The following DUSP22 variants were observed in gnomAD, a reference collection of about 807,000 sequenced individuals.
DUSP22 encodes the protein dual specificity protein phosphatase 22.
DUSP22 carries 24 observed loss-of-function variants against 24.5 expected under a neutral mutation model. The observed-to-expected ratio is 0.98, with a 90% CI of 0.71 to 1.38. The LOEUF (loss-of-function observed/expected upper bound fraction) is 1.38. DUSP22 is among the 40% of genes most tolerant of loss of function. The pLI is 0.00. For missense variants in DUSP22, 330 were observed against 269.2 expected, an observed-to-expected ratio of 1.23 and a Z score of -1.58; for synonymous variants, 160 against 106.4, an observed-to-expected ratio of 1.50 and a Z score of -3.10.
At chr6:345,492 G>A (rs1166424723) in intron 4 of DUSP22, among the ~76,000 whole-genome samples, 2 of 152,298 alleles carry the variant, frequency 1.3e-5, no homozygotes, top group African/African-American at 4.8e-5. Context: ...TTACAGGCGT[G>A]AGCCACCGCA....
chr6:348,004 C>G lies in DUSP22; in HGVS notation c.264-99C>G, dbSNP rs1315286953. ...ATATAATCCAAGGCAGGAAGACTTT[C>G]TGAACAAGGTCCTTAGAGTCCCCCG... On this transcript the variant is annotated intron_variant, in intron 5 of 6. Transcript: ENST00000419235. 1.2e-5 allele frequency: 18 copies of G among 1,531,664 alleles called. No individual in the cohort carries two copies. In the East Asian group the frequency reaches 3.4e-4, roughly 29 times the overall value. The allele number at this position is 1,531,664 out of a possible 1,614,324, so 94.9% of individuals were successfully genotyped here.
chr6:301,969 G>C (rs1757598687), intron 1 of DUSP22, among the ~76,000 whole-genome samples: 1 of 152,424 alleles, frequency 6.6e-6, no homozygotes, highest in East Asian at 1.9e-4. Context: ...GAAGATAGTA[G>C]ATGTACAAAG....
chr6:337,630 T>C (rs371688826), intron 4 of DUSP22, among the ~76,000 whole-genome samples: 2 of 152,306 alleles, frequency 1.3e-5, no homozygotes, highest in African/African-American at 4.8e-5. Context: ...TTTTTCTTTT[T>C]AAAATACGTA....
chr6:346,588 C>G (rs1486079877), intron 5 of DUSP22, among the ~76,000 whole-genome samples: 1 of 152,308 alleles, frequency 6.6e-6, no homozygotes, highest in Non-Finnish European at 1.5e-5. Context: ...CGTAATCATG[C>G]TAATAACATG....
chr6:295,787 G>A (rs1365591410), intron 1 of DUSP22, among the ~76,000 whole-genome samples: 22 of 142,534 alleles, frequency 1.5e-4, no homozygotes, highest in African/African-American at 4.7e-4. Context: ...GCGACAGAGC[G>A]AGACCCTGTT....
At chr6:307,860 T>C (rs1757883270) in intron 2 of DUSP22, among the ~76,000 whole-genome samples, 1 of 152,298 alleles carries the variant, frequency 6.6e-6, no homozygotes, top group Non-Finnish European at 1.5e-5. Context: ...ACCCAGTTGT[T>C]TGGACAAGGC....
chr6:349,740 G>A lies in DUSP22; in HGVS notation c.*789G>A. ...TCAATGTGAATGCACCAGGCTGAGGGTTCCCTAGCGCCTTGAGTCAAGGCC... is the reference window on the plus strand; with the variant it reads ...TCAATGTGAATGCACCAGGCTGAGGATTCCCTAGCGCCTTGAGTCAAGGCC... On this transcript the variant is annotated 3_prime_UTR_variant, in exon 7 of 7. Coordinates refer to ENST00000419235, the MANE Select transcript of DUSP22 (RefSeq NM_001286555.3). 1 of 986,096 alleles carries A rather than the reference G, an allele frequency of 1.0e-6. No homozygotes were observed. Among genetic ancestry groups the A allele is most frequent in the Non-Finnish European group, 1.2e-6 (1 of 830,382 alleles). The allele number at this position is 986,096 out of a possible 1,614,324, so 61.1% of individuals were successfully genotyped here.
intron 4 of DUSP22, among the ~76,000 whole-genome samples, chr6:338,633 A>G (rs927737907): frequency 1.3e-5 from 2 of 152,416 alleles, no homozygotes; most frequent in African/African-American, 4.8e-5. Flanking sequence ...TTGAAATAGT[A>G]GCTCTTTAGC....
Position 292,494 on chromosome 6 carries a change from G to C in DUSP22, c.-46G>C, listed in dbSNP as rs1757130884. ...TCCTCCCTGTAACATGCCATAGTGC[G>C]CCTGCGACCACACGGCCGGGGCGCT... On this transcript the variant is annotated 5_prime_UTR_variant, in exon 1 of 7. Coordinates refer to ENST00000419235, the MANE Select transcript of DUSP22 (RefSeq NM_001286555.3). 6.3e-7 allele frequency: 1 copy of C among 1,599,798 alleles called. No individual in the cohort carries two copies. The highest frequency in any genetic ancestry group is 1.1e-5 in the South Asian group (1 of 89,852).
chr6:349,944 AG>A lies in DUSP22; in HGVS notation c.*997del, dbSNP rs1760113392. Reference sequence around the variant, plus strand: ...CAGCCTCTCGCTGTCCTCACTTTGCAGGGGCTCCTCCTCAACATTTGCATGC... The same window carrying A: ...CAGCCTCTCGCTGTCCTCACTTTGCAGGGCTCCTCCTCAACATTTGCATGC... On this transcript the variant is annotated 3_prime_UTR_variant, in exon 7 of 7. Coordinates refer to ENST00000419235, the MANE Select transcript of DUSP22 (RefSeq NM_001286555.3). The A allele has an allele frequency of 7.1e-6, 7 of 985,850 alleles. No homozygotes were observed. The highest frequency in any genetic ancestry group is 8.4e-6 in the Non-Finnish European group (7 of 830,112). 61.1% of individuals were successfully genotyped at this position (985,850 alleles called of 1,614,324 possible). A position where few individuals can be genotyped will look rare whatever the true frequency, so the allele number is the denominator to read the frequency against.
rs561686898 is a variant in DUSP22, at chr6:294,355, G to A, written c.21+1795G>A. On this transcript the variant is annotated intron_variant, in intron 1 of 6. Coordinates refer to ENST00000419235, the MANE Select transcript of DUSP22 (RefSeq NM_001286555.3). ...AGCCAGGTGTTGTGCTAGTGGGTGG[G>A]GAGGGGGCAAAGGGAGTACAGTGGT... Among the ~76,000 whole-genome samples the A allele has an allele frequency of 1.7e-4, 7 of 40,184 alleles. No homozygotes were observed. In the East Asian group the frequency reaches 1.9e-3, roughly 11 times the overall value. The allele number at this position is 40,184 out of a possible 152,430, so 26.4% of individuals were successfully genotyped here. A position where few individuals can be genotyped will look rare whatever the true frequency, so the allele number is the denominator to read the frequency against.
intron 3 of DUSP22, among the ~76,000 whole-genome samples, chr6:317,895 A>G (rs1169562763): frequency 1.3e-5 from 2 of 152,296 alleles, no homozygotes; most frequent in African/African-American, 4.8e-5. Context: ...AAAGTGAGAA[A>G]TCATGTCTCA....
At chr6:304,596 C>G in intron 1 of DUSP22, 32 bp from the exon 2 acceptor site, 3 of 1,614,200 alleles carry the variant, frequency 1.9e-6, no homozygotes, top group Non-Finnish European at 2.5e-6. Flanking sequence ...TAGAGTCTGC[C>G]ATGCTCATGT....
chr6:322,830 T>TGGCGG (rs1554100347), intron 3 of DUSP22, among the ~76,000 whole-genome samples: 2 of 18,802 alleles, frequency 1.1e-4, no homozygotes, highest in African/African-American at 3.7e-4. Context: ...GGCTGCTTGG[T>TGGCGG]GGGGCGGGGG....
chr6:348,468 C>T lies in DUSP22; in HGVS notation c.435+194C>T, dbSNP rs947249674. 13 of 1,001,698 alleles carry T rather than the reference C, an allele frequency of 1.3e-5. No homozygotes were observed. The East Asian group carries it at 2.4e-4, about 18-fold the overall frequency. 62.1% of individuals were successfully genotyped at this position (1,001,698 alleles called of 1,614,324 possible). On this transcript the variant is annotated intron_variant, in intron 6 of 6. Coordinates refer to ENST00000419235, the MANE Select transcript of DUSP22 (RefSeq NM_001286555.3). ...CGTGCACCTGTTGAAGCCACAGGCG[C>T]CTACCCTTTGTCATTCTCCTTGTGC...
At chr6:322,830 T>TGGGG (rs61690495) in intron 3 of DUSP22, among the ~76,000 whole-genome samples, 1 of 18,796 alleles carries the variant, frequency 5.3e-5, no homozygotes, top group South Asian at 2.4e-3. Flanking sequence ...GGCTGCTTGG[T>TGGGG]GGGGCGGGGG....
At chr6:305,723 G>A (rs1462993285) in intron 2 of DUSP22, among the ~76,000 whole-genome samples, 1 of 152,304 alleles carries the variant, frequency 6.6e-6, no homozygotes, top group Non-Finnish European at 1.5e-5. Context: ...TGGGAAGATA[G>A]AGATGAGGGG....
chr6:335,297 G>A (rs1370402634), intron 4 of DUSP22, 134 bp downstream of exon 4: 5 of 1,224,742 alleles, frequency 4.1e-6, no homozygotes, highest in Non-Finnish European at 5.9e-6. Flanking sequence ...GGAAGAGGCT[G>A]TGAGCCTACA....
chr6:315,342 CA>C (rs1284520049), intron 3 of DUSP22, among the ~76,000 whole-genome samples: 1 of 152,296 alleles, frequency 6.6e-6, no homozygotes, highest in East Asian at 1.9e-4. Flanking sequence ...TAGAGATCAG[CA>C]AGCCTAACTC....
Sources: allele counts gnomAD v4.1 joint callset (sites outside exome capture counted in the v4.1 genomes callset), GRCh38; gene constraint gnomAD v4.1.1; transcripts MANE v1.5; gene names NCBI Gene and HGNC (gene_info 2026-07-23, HGNC 2026-07-21).